ATXN2: variants seen among roughly 807,000 people sequenced by gnomAD.
ATXN2 encodes ataxin 2, also known as ataxin-2.
A neutral mutation model predicts 138.6 loss-of-function variants in ATXN2; 37 were observed. The observed-to-expected ratio is 0.27, with a 90% CI of 0.21 to 0.35. The LOEUF (loss-of-function observed/expected upper bound fraction) is 0.35, where lower values mean the gene tolerates loss of function less well. ATXN2 is among the 10% of genes least tolerant of loss of function. The probability of loss-of-function intolerance (pLI) is 1.00; values close to 1 mark genes in which losing one functional copy is unlikely to be tolerated. For missense variants in ATXN2, 1,216 were observed against 1,480.3 expected (o/e 0.82, Z 2.93); for synonymous variants, 549 against 543.7 (o/e 1.01, Z -0.13).
intron 5 of ATXN2, among the ~76,000 whole-genome samples, chr12:111,550,080 G>T (rs1393628584): frequency 7.1e-6 from 1 of 141,592 alleles, no homozygotes; most frequent in Non-Finnish European, 1.5e-5. Flanking sequence ...AAAAAAAAAA[G>T]AGAGAGAAAA....
intron 1 of ATXN2, chr12:111,597,688 A>G: frequency 2.0e-6 from 1 of 494,722 alleles, no homozygotes; most frequent in Middle Eastern, 3.2e-4. Flanking sequence ...GACAACACTG[A>G]GCCCCCAGCC....
At chr12:111,577,874 G>A (rs905745855) in intron 1 of ATXN2, among the ~76,000 whole-genome samples, 3 of 152,058 alleles carry the variant, frequency 2.0e-5, no homozygotes, top group Non-Finnish European at 1.5e-5. Context: ...TGGAGCCCAG[G>A]AGTTCAACGC....
chr12:111,581,368 C>T, intron 1 of ATXN2: 1 of 644,438 alleles, frequency 1.6e-6, no homozygotes, highest in Non-Finnish European at 2.9e-6. Flanking sequence ...AGCTGGTCTT[C>T]CCTGGACACC....
chr12:111,526,695 A>C (rs1880527011), intron 5 of ATXN2, among the ~76,000 whole-genome samples: 1 of 152,210 alleles, frequency 6.6e-6, no homozygotes, highest in South Asian at 2.1e-4. Flanking sequence ...GTGAGCAACC[A>C]TGCCCGGCCT....
intron 1 of ATXN2, among the ~76,000 whole-genome samples, chr12:111,581,135 CA>C (rs1016431358): frequency 0.054 from 3,140 of 57,888 alleles, 84 homozygotes; most frequent in African/African-American, 0.12. Context: ...GACTCCATCT[CA>C]AAAAAAAAAA....
chr12:111,548,627 CTCTA>C (rs549478583), intron 5 of ATXN2, among the ~76,000 whole-genome samples: 132 of 152,256 alleles, frequency 8.7e-4, no homozygotes, highest in South Asian at 1.0e-3. Flanking sequence ...ATAAAAAACA[CTCTA>C]TCTATCCATT....
At position 111,453,929 on chromosome 12, in the gene ATXN2, G is replaced by A; in HGVS notation, c.3271-84C>T. 7.0e-7 allele frequency: 1 copy of A among 1,427,678 alleles called. No individual in the cohort carries two copies. The highest frequency in any genetic ancestry group is 9.5e-7 in the Non-Finnish European group (1 of 1,053,690). The allele number at this position is 1,427,678 out of a possible 1,614,324, so 88.4% of individuals were successfully genotyped here. A position where few individuals can be genotyped will look rare whatever the true frequency, so the allele number is the denominator to read the frequency against. ...AACTGTGTTCCTTTCACTGGGCTGG[G>A]ACTCTCAGGAAAGGGCAACGGTGGG... On this transcript the variant is annotated intron_variant, in intron 23 of 24. Transcript: ENST00000673436. This position sits in a 1 kb window ranked among gnomAD's most constrained non-coding sequence, Gnocchi z 5.4.
At chr12:111,514,357 A>G (rs1879738627) in intron 10 of ATXN2, among the ~76,000 whole-genome samples, 2 of 152,172 alleles carry the variant, frequency 1.3e-5, no homozygotes, top group African/African-American at 4.8e-5. Flanking sequence ...CATTAGACCA[A>G]TCTATCAGGT....
At chr12:111,581,524 C>CA (rs1388249569) in intron 1 of ATXN2, 3 of 1,018,362 alleles carry the variant, frequency 2.9e-6, no homozygotes, top group Admixed American at 3.4e-5. Context: ...TCCCCATCCA[C>CA]AGCGAGAACT....
chr12:111,513,375 A>T lies in ATXN2; in HGVS notation c.1540T>A (p.Ser514Thr). The T allele has an allele frequency of 6.2e-7, 1 of 1,613,434 alleles. No individual in the cohort carries two copies. The highest frequency in any genetic ancestry group is 8.5e-7 in the Non-Finnish European group (1 of 1,179,942). ...TACCTACCCCCACTGACCACTGATG[A>T]CCACGTTCCCCCCGAGGGACTGGTC... The part of the protein sequence containing the change: ...ARTSPSGGTW[S>T]SVVSGVPRLS... Residue 514 changes from serine (S) to threonine (T), a missense_variant, in exon 11 of 25, where the codon TCA (serine) becomes ACA (threonine). Around this residue, in one of 4 missense-constraint regions of ATXN2, gnomAD observed 215 missense variants for 210.0 expected, o/e 1.02. Coordinates refer to ENST00000673436, the MANE Select transcript of ATXN2 (RefSeq NM_001372574.1).
At chr12:111,466,216 A>ATT in intron 20 of ATXN2, among the ~76,000 whole-genome samples, 1 of 143,192 alleles carries the variant, frequency 7.0e-6, no homozygotes, top group Non-Finnish European at 1.5e-5. Context: ...AAAAAAAAAG[A>ATT]GGCTGGGCAC....
At position 111,599,108 on chromosome 12, in the gene ATXN2, G is replaced by A. The variant is rs750577637; in HGVS notation, c.-74C>T. 4.6e-6 allele frequency: 6 copies of A among 1,290,646 alleles called. No individual in the cohort carries two copies. In the Admixed American group the frequency reaches 1.6e-4, roughly 34 times the overall value. The allele number at this position is 1,290,646 out of a possible 1,614,324, so 79.9% of individuals were successfully genotyped here. ...AGCCGGGCGCGCCAAGGAGACGCCG[G>A]AACGCGGCGGGGACGCGCGGGCGCC... On this transcript the variant is annotated 5_prime_UTR_variant, in exon 1 of 25. Transcript: ENST00000673436.
chr12:111,554,972 T>A (rs930853058), intron 2 of ATXN2, among the ~76,000 whole-genome samples: 1 of 152,204 alleles, frequency 6.6e-6, no homozygotes, highest in Non-Finnish European at 1.5e-5. Context: ...TACGTGTATA[T>A]CTTCCTGATT....
chr12:111,492,124 G>A (rs1878072850), intron 14 of ATXN2, among the ~76,000 whole-genome samples: 1 of 152,144 alleles, frequency 6.6e-6, no homozygotes, highest in Non-Finnish European at 1.5e-5. Flanking sequence ...CGGTGGCCAT[G>A]GCAGTGCTTG....
intron 22 of ATXN2, among the ~76,000 whole-genome samples, chr12:111,456,970 A>G (rs568957863): frequency 6.6e-6 from 1 of 152,118 alleles, no homozygotes; most frequent in African/African-American, 2.4e-5. Context: ...GGATGGTCTC[A>G]ATCTCCTGAC....
At chr12:111,520,723 CCTTT>C (rs1192058755) in intron 7 of ATXN2, among the ~76,000 whole-genome samples, 155 bp downstream of exon 7, 4 of 151,812 alleles carry the variant, frequency 2.6e-5, no homozygotes, top group South Asian at 4.2e-4. Context: ...ACATTTATTC[CCTTT>C]TTTTAATGGA....
At chr12:111,452,940 C>A in intron 24 of ATXN2, 100 bp from the exon 25 acceptor site, 2 of 1,131,850 alleles carry the variant, frequency 1.8e-6, no homozygotes, top group South Asian at 2.2e-5. Context: ...CTCGTGCTAG[C>A]TGAACAAAAC....
chr12:111,457,567 A>G, intron 21 of ATXN2: 1 of 517,964 alleles, frequency 1.9e-6, no homozygotes. Flanking sequence ...TGGTTCATAT[A>G]ATACAGCTCT....
chr12:111,468,191 T>A (rs1176646246), intron 20 of ATXN2, among the ~76,000 whole-genome samples: 1 of 152,264 alleles, frequency 6.6e-6, no homozygotes, highest in Non-Finnish European at 1.5e-5. Flanking sequence ...AAAGCCAGCA[T>A]GATAAATCAA....
Sources: allele counts gnomAD v4.1 joint callset (sites outside exome capture counted in the v4.1 genomes callset), GRCh38; gene constraint gnomAD v4.1.1; regional missense constraint gnomAD v4.1.1; non-coding constraint Gnocchi (gnomAD v3.1); transcripts MANE v1.5; gene names NCBI Gene and HGNC (gene_info 2026-07-23, HGNC 2026-07-21).